Variants in EIF4G3 observed in about 807,000 individuals in gnomAD.
EIF4G3 encodes the protein eukaryotic translation initiation factor 4 gamma 3.
In EIF4G3, 34 loss-of-function variants were observed where a neutral mutation model predicts 186.4. The observed-to-expected ratio is 0.18, with a 90% CI of 0.14 to 0.24. The LOEUF is 0.24. Among genes scored for constraint, EIF4G3 ranks in the 10% least tolerant of loss-of-function variants. EIF4G3 has a pLI of 1.00. For missense variants in EIF4G3, 1,536 were observed against 1,948.5 expected, an observed-to-expected ratio of 0.79 and a Z score of 3.99; for synonymous variants, 673 against 679.5, an observed-to-expected ratio of 0.99 and a Z score of 0.15.
chr1:20,855,832 G>GTTA (rs1453433742), intron 25 of EIF4G3, among the ~76,000 whole-genome samples: 1 of 152,112 alleles, frequency 6.6e-6, no homozygotes, highest in Non-Finnish European at 1.5e-5. Flanking sequence ...GGATACCCAT[G>GTTA]TATAGTACCT....
chr1:20,913,973 A>AT (rs1017358706), intron 14 of EIF4G3, among the ~76,000 whole-genome samples: 21 of 150,908 alleles, frequency 1.4e-4, no homozygotes, highest in African/African-American at 2.2e-4. Context: ...CGCCTGGATA[A>AT]TTTTTTTTGT....
At chr1:20,873,873 T>A (rs2079975118) in intron 20 of EIF4G3, among the ~76,000 whole-genome samples, 1 of 152,084 alleles carries the variant, frequency 6.6e-6, no homozygotes, top group African/African-American at 2.4e-5. Flanking sequence ...CTGGTGTGTG[T>A]TGTTCCCCTC....
intron 2 of EIF4G3, 33 bp downstream of exon 2, chr1:21,176,142 A>G: frequency 2.9e-6 from 1 of 347,382 alleles, no homozygotes; most frequent in Non-Finnish European, 5.1e-6. Context: ...GACGACGAGA[A>G]CCGAAGGGCC....
chr1:21,151,481 G>T (rs147122027), intron 2 of EIF4G3, among the ~76,000 whole-genome samples: 1 of 151,590 alleles, frequency 6.6e-6, no homozygotes, highest in African/African-American at 2.4e-5. Flanking sequence ...CTCGTGATCC[G>T]CCCGCCTTGG....
chr1:21,061,016 G>C (rs2094884797), intron 3 of EIF4G3, among the ~76,000 whole-genome samples: 1 of 152,062 alleles, frequency 6.6e-6, no homozygotes, highest in Non-Finnish European at 1.5e-5. Flanking sequence ...CTGCATTCCT[G>C]GAGTTTATGG....
chr1:20,916,861 C>G (rs904424705), intron 14 of EIF4G3, among the ~76,000 whole-genome samples: 1 of 152,130 alleles, frequency 6.6e-6, no homozygotes, highest in Non-Finnish European at 1.5e-5. Flanking sequence ...TTAGCAGAAA[C>G]AAGATAGCCT....
intron 14 of EIF4G3, among the ~76,000 whole-genome samples, chr1:20,933,815 G>C (rs1448337623): frequency 1.3e-5 from 2 of 152,170 alleles, no homozygotes; most frequent in Non-Finnish European, 2.9e-5. Flanking sequence ...TAGAGGAATA[G>C]GTGACTGGTT....
intron 20 of EIF4G3, among the ~76,000 whole-genome samples, chr1:20,869,139 T>G (rs2078396377): frequency 6.6e-6 from 1 of 152,124 alleles, no homozygotes; most frequent in African/African-American, 2.4e-5. Context: ...CAATGCTGTC[T>G]CAGAACATAA....
intron 3 of EIF4G3, among the ~76,000 whole-genome samples, chr1:21,072,584 A>G (rs752602149): frequency 6.6e-6 from 1 of 151,844 alleles, no homozygotes; most frequent in South Asian, 2.1e-4. Context: ...TTTGTATTTT[A>G]GTAGAGACGG....
intron 2 of EIF4G3, among the ~76,000 whole-genome samples, chr1:21,120,170 C>A (rs1043437264): frequency 1.3e-5 from 2 of 149,836 alleles, no homozygotes; most frequent in African/African-American, 4.9e-5. Context: ...ATAAATGATG[C>A]TGTCACTTTT....
intron 2 of EIF4G3, among the ~76,000 whole-genome samples, chr1:21,091,206 A>G (rs957494026): frequency 4.6e-5 from 7 of 152,036 alleles, no homozygotes; most frequent in Admixed American, 1.3e-4. Flanking sequence ...GTTCAGTGGC[A>G]TAATCTCAGC....
intron 2 of EIF4G3, among the ~76,000 whole-genome samples, chr1:21,138,036 A>ATTAACTGAT (rs2097276646): frequency 6.6e-6 from 1 of 152,198 alleles, no homozygotes; most frequent in Non-Finnish European, 1.5e-5. Context: ...ACTTTTCTGA[A>ATTAACTGAT]TTAACTGATA....
intron 2 of EIF4G3, among the ~76,000 whole-genome samples, chr1:21,148,032 T>C (rs1018960378): frequency 6.6e-6 from 1 of 152,236 alleles, no homozygotes; most frequent in African/African-American, 2.4e-5. Context: ...ATCTGAAATA[T>C]TGAAAAGCAT....
At chr1:21,008,686 A>C (rs1302656952) in intron 4 of EIF4G3, among the ~76,000 whole-genome samples, 1 of 152,194 alleles carries the variant, frequency 6.6e-6, no homozygotes, top group East Asian at 1.9e-4. Flanking sequence ...AGAGATATAG[A>C]TGTAAGAAGC....
At chr1:20,842,377 T>C (rs2068950381) in intron 29 of EIF4G3, among the ~76,000 whole-genome samples, 1 of 152,234 alleles carries the variant, frequency 6.6e-6, no homozygotes, top group African/African-American at 2.4e-5. Context: ...TGGTTTCTTT[T>C]TTCTTTTGAG....
intron 7 of EIF4G3, among the ~76,000 whole-genome samples, chr1:20,995,215 A>C (rs1433678924): frequency 6.6e-6 from 1 of 152,206 alleles, no homozygotes; most frequent in Non-Finnish European, 1.5e-5. Context: ...CAATATCCTA[A>C]TTTTAGAACC....
At chr1:20,825,375 G>A (rs2063361763) in intron 32 of EIF4G3, among the ~76,000 whole-genome samples, 177 bp from the exon 33 acceptor site, 1 of 148,484 alleles carries the variant, frequency 6.7e-6, no homozygotes, top group African/African-American at 2.5e-5. Flanking sequence ...CTACTAGGGA[G>A]GCTGAGGTGG....
intron 19 of EIF4G3, among the ~76,000 whole-genome samples, chr1:20,880,099 G>A (rs74633259): frequency 0.033 from 4,978 of 151,174 alleles, 158 homozygotes; most frequent in East Asian, 0.12. Context: ...AAAGGTGAAA[G>A]GCAAAATGAT....
intron 14 of EIF4G3, among the ~76,000 whole-genome samples, chr1:20,935,193 A>G (rs1335590089): frequency 6.6e-6 from 1 of 152,204 alleles, no homozygotes; most frequent in African/African-American, 2.4e-5. Context: ...GTATAAAGGA[A>G]GGGGCTGTAA....
Sources: gnomAD v4.1 joint callset for allele counts (sites outside exome capture counted in the v4.1 genomes callset) on GRCh38, gnomAD v4.1.1 for gene constraint, MANE v1.5 for transcripts, NCBI Gene and HGNC (gene_info 2026-07-23, HGNC 2026-07-21) for gene names.